DIP2C: variants seen among roughly 807,000 people sequenced by gnomAD.
DIP2C encodes the protein disco-interacting protein 2 homolog C.
In DIP2C, 33 loss-of-function variants were observed where a neutral mutation model predicts 192.4. The observed-to-expected ratio is 0.17, with a 90% confidence interval of 0.13 to 0.23. The LOEUF is 0.23. Ranked by LOEUF, DIP2C falls within the 10% of genes least tolerant of loss-of-function variation. The pLI is 1.00. For synonymous variants in DIP2C, 979 were observed against 864.1 expected (o/e 1.13, Z -2.33); for missense variants, 1,537 against 2,110.1 (o/e 0.73, Z 5.32).
chr10:614,241 C>T (rs1853292369), intron 1 of DIP2C, among the ~76,000 whole-genome samples: 1 of 152,250 alleles, frequency 6.6e-6, no homozygotes, highest in Admixed American at 6.5e-5. Context: ...TCACCATCCA[C>T]ACAGAGAAGC....
intron 9 of DIP2C, among the ~76,000 whole-genome samples, chr10:399,514 T>C (rs1433464416): frequency 6.6e-6 from 1 of 152,206 alleles, no homozygotes; most frequent in Non-Finnish European, 1.5e-5. Flanking sequence ...TATATCCTAC[T>C]GTTTCTCACT....
At chr10:502,585 T>C (rs1324968323) in intron 1 of DIP2C, among the ~76,000 whole-genome samples, 1 of 152,056 alleles carries the variant, frequency 6.6e-6, no homozygotes. Flanking sequence ...AAAGCCTACG[T>C]ATAAAAATTC....
chr10:486,553 T>C (rs1231717237), intron 1 of DIP2C, 23 bp from the exon 2 acceptor site: 1 of 1,594,480 alleles, frequency 6.3e-7, no homozygotes. Flanking sequence ...GAAAATGAAG[T>C]TCAGTATGGT....
At chr10:320,885 A>G (rs1191300784) in intron 31 of DIP2C, among the ~76,000 whole-genome samples, 1 of 152,256 alleles carries the variant, frequency 6.6e-6, no homozygotes, top group South Asian at 2.1e-4. Context: ...AACAAAGTAC[A>G]CTGGCAATTC....
At chr10:650,222 C>A (rs1431960363) in intron 1 of DIP2C, 1 of 717,096 alleles carries the variant, frequency 1.4e-6, no homozygotes, top group Admixed American at 2.0e-5. Flanking sequence ...ACGGGGAGGG[C>A]TGTTCCCTGT....
intron 1 of DIP2C, among the ~76,000 whole-genome samples, chr10:574,564 C>T (rs1268095371): frequency 6.6e-6 from 1 of 152,154 alleles, no homozygotes; most frequent in Non-Finnish European, 1.5e-5. Context: ...AGCCACAGTC[C>T]AGGAAAGAAC....
At chr10:508,809 A>T (rs1157548678) in intron 1 of DIP2C, among the ~76,000 whole-genome samples, 1 of 152,130 alleles carries the variant, frequency 6.6e-6, no homozygotes, top group African/African-American at 2.4e-5. Flanking sequence ...CTGGCTGGAG[A>T]TGGGAAGTTG....
At chr10:681,734 T>C (rs948471231) in intron 1 of DIP2C, among the ~76,000 whole-genome samples, 29 of 152,242 alleles carry the variant, frequency 1.9e-4, no homozygotes, top group African/African-American at 6.8e-4. Context: ...GTTATTTGTT[T>C]TATGAACTTC....
chr10:320,860 G>C (rs1217603753), intron 31 of DIP2C, among the ~76,000 whole-genome samples: 1 of 152,218 alleles, frequency 6.6e-6, no homozygotes, highest in South Asian at 2.1e-4. Context: ...CAGCTGGAAA[G>C]TGTGAAGGAG....
chr10:461,727 T>TA (rs1338610514), intron 3 of DIP2C, among the ~76,000 whole-genome samples: 17 of 152,206 alleles, frequency 1.1e-4, no homozygotes, highest in African/African-American at 3.6e-4. Flanking sequence ...CAATAGGATA[T>TA]ACCTTCTTCT....
At chr10:567,775 C>G (rs1366626393) in intron 1 of DIP2C, among the ~76,000 whole-genome samples, 1 of 152,072 alleles carries the variant, frequency 6.6e-6, no homozygotes, top group Non-Finnish European at 1.5e-5. Flanking sequence ...GTAGCTGGGA[C>G]TATAGGTGTA....
At chr10:653,902 T>C (rs1012139557) in intron 1 of DIP2C, among the ~76,000 whole-genome samples, 1 of 152,220 alleles carries the variant, frequency 6.6e-6, no homozygotes, top group African/African-American at 2.4e-5. Context: ...AACTCTTACC[T>C]GGGAGAGACA....
At chr10:405,847 C>T (rs1964764249) in intron 9 of DIP2C, among the ~76,000 whole-genome samples, 1 of 152,202 alleles carries the variant, frequency 6.6e-6, no homozygotes, top group South Asian at 2.1e-4. Flanking sequence ...GCCGGCCCTG[C>T]TGTCCAGGCG....
chr10:330,506 A>T (rs1392912306), intron 29 of DIP2C, among the ~76,000 whole-genome samples: 2 of 152,216 alleles, frequency 1.3e-5, no homozygotes, highest in Non-Finnish European at 1.5e-5. Flanking sequence ...TAAGATTTAC[A>T]ATTTAATTAA....
intron 1 of DIP2C, among the ~76,000 whole-genome samples, chr10:631,768 G>A (rs535965510): frequency 3.9e-5 from 6 of 152,296 alleles, no homozygotes; most frequent in Non-Finnish European, 5.9e-5. Flanking sequence ...ATGCATTCCC[G>A]GGAGCAGAGA....
chr10:559,432 G>A (rs1456833177), intron 1 of DIP2C, among the ~76,000 whole-genome samples: 1 of 152,060 alleles, frequency 6.6e-6, no homozygotes, highest in East Asian at 1.9e-4. Flanking sequence ...TGTTGAGGAA[G>A]GAACATATTT....
chr10:307,044 T>A (rs1956356960), intron 32 of DIP2C, among the ~76,000 whole-genome samples: 2 of 152,094 alleles, frequency 1.3e-5, no homozygotes, highest in African/African-American at 4.8e-5. Context: ...CTAAAAACAG[T>A]CTGTCCCCTC....
At position 619,428 on chromosome 10, in the gene DIP2C, T is replaced by C. The variant is rs115101259; in HGVS notation, c.85+70066A>G. ...AGGCTTCCGCATCCCCTGGTCCTTA[T>C]GGCACCCACCATCTTCAGAGCCCAC... On this transcript the variant is annotated intron_variant, in intron 1 of 36. Coordinates refer to ENST00000280886, the MANE Select transcript of DIP2C (RefSeq NM_014974.3). Among the ~76,000 whole-genome samples the C allele has an allele frequency of 4.7e-3, 711 of 150,992 alleles. 5 individuals are homozygous for C. The highest frequency in any genetic ancestry group is 0.016 in the African/African-American group (657 of 40,942).
chr10:687,061 C>A (rs1171845898), intron 1 of DIP2C, among the ~76,000 whole-genome samples: 1 of 152,208 alleles, frequency 6.6e-6, no homozygotes, highest in African/African-American at 2.4e-5. Flanking sequence ...ATGATGACAA[C>A]CAACTTAAAG....
Sources: allele counts gnomAD v4.1 joint callset (sites outside exome capture counted in the v4.1 genomes callset), GRCh38; gene constraint gnomAD v4.1.1; transcripts MANE v1.5; gene names NCBI Gene and HGNC (gene_info 2026-07-23, HGNC 2026-07-21).